Variants in MAF observed in about 807,000 individuals in gnomAD.
MAF encodes MAF bZIP transcription factor.
MAF carries 10 observed loss-of-function variants against 22.0 expected under a neutral mutation model. That is an observed-to-expected ratio of 0.45 (90% CI 0.28 to 0.77). The LOEUF (loss-of-function observed/expected upper bound fraction) is 0.77. Among genes scored for constraint, MAF ranks in the 30% least tolerant of loss-of-function variants. MAF has a pLI of 0.12. For synonymous variants in MAF, 337 were observed against 255.8 expected (o/e 1.32, Z -3.03); for missense variants, 544 against 548.4 (o/e 0.99, Z 0.08).
downstream of MAF, among the ~76,000 whole-genome samples, chr16:79,589,245 G>A (rs1321372210): frequency 6.6e-6 from 1 of 152,166 alleles, no homozygotes; most frequent in Non-Finnish European, 1.5e-5. Context: ...GTTCCTGGAT[G>A]CCTGAGATGT....
the MAF span, among the ~76,000 whole-genome samples, chr16:79,538,824 T>A: frequency 7.3e-6 from 1 of 137,196 alleles, no homozygotes; most frequent in Non-Finnish European, 1.5e-5. Flanking sequence ...TGACTCTGTC[T>A]CGAAAGAAAG....
At chr16:79,466,843 C>T in the MAF span, among the ~76,000 whole-genome samples, 6 of 152,198 alleles carry the variant, frequency 3.9e-5, no homozygotes, top group African/African-American at 1.2e-4. Context: ...CCCCTGCCCG[C>T]GACACCAAAG....
the MAF span, among the ~76,000 whole-genome samples, chr16:79,410,508 C>G: frequency 6.6e-6 from 1 of 152,162 alleles, no homozygotes; most frequent in Non-Finnish European, 1.5e-5. Context: ...AATTAGTGTA[C>G]CTTCAGTATG....
At position 79,600,060 on chromosome 16, in the gene MAF, G is replaced by T. The variant is rs1003334318; in HGVS notation, c.-158C>A. The T allele has an allele frequency of 2.7e-5, 26 of 948,334 alleles. No homozygotes were observed. The highest frequency in any genetic ancestry group is 3.3e-4 in the Middle Eastern group (1 of 3,056). 58.7% of individuals were successfully genotyped at this position (948,334 alleles called of 1,614,324 possible). A position where few individuals can be genotyped will look rare whatever the true frequency, so the allele number is the denominator to read the frequency against. On this transcript the variant is annotated 5_prime_UTR_variant, in exon 1 of 2. Transcript: ENST00000326043. Reference sequence around the variant, plus strand: ...TGGCTGGCCCGAAACCTCCGAGCGCGCTCACACACACACCCCCCCGCCCTG... The same window carrying T: ...TGGCTGGCCCGAAACCTCCGAGCGCTCTCACACACACACCCCCCCGCCCTG...
At chr16:79,428,465 T>C in the MAF span, among the ~76,000 whole-genome samples, 1 of 152,106 alleles carries the variant, frequency 6.6e-6, no homozygotes. Context: ...CAAACTGGCA[T>C]TTTCCTTTCA....
chr16:79,577,305 C>T, the MAF span, among the ~76,000 whole-genome samples: 2 of 152,086 alleles, frequency 1.3e-5, no homozygotes, highest in Non-Finnish European at 2.9e-5. Context: ...ACTACATGTG[C>T]TGAGGTGAAA....
chr16:79,454,011 C>T, the MAF span, among the ~76,000 whole-genome samples: 1 of 151,914 alleles, frequency 6.6e-6, no homozygotes, highest in Non-Finnish European at 1.5e-5. Context: ...TTAGGATAGC[C>T]AAAATGTATT....
At chr16:79,205,195 G>C in the MAF span, 1 of 152,236 alleles carries the variant, frequency 6.6e-6, no homozygotes, top group East Asian at 1.9e-4. Context: ...GGTGTCCCTT[G>C]TAATTTGTGG....
At chr16:79,392,419 A>G in the MAF span, among the ~76,000 whole-genome samples, 1 of 148,956 alleles carries the variant, frequency 6.7e-6, no homozygotes, top group African/African-American at 2.5e-5. Flanking sequence ...GAGAAGAAAA[A>G]GGAGAGGAGA....
chr16:79,499,671 C>A, the MAF span, among the ~76,000 whole-genome samples: 1 of 152,196 alleles, frequency 6.6e-6, no homozygotes, highest in Non-Finnish European at 1.5e-5. Context: ...CATCCACGAA[C>A]TAGGAAGTGG....
chr16:79,209,281 T>A, the MAF span, among the ~76,000 whole-genome samples: 192 of 152,336 alleles, frequency 1.3e-3, 1 homozygote, highest in African/African-American at 4.5e-3. Flanking sequence ...GCATTCTGAA[T>A]CAATGGGACT....
the MAF span, among the ~76,000 whole-genome samples, chr16:79,524,668 T>C: frequency 6.6e-6 from 1 of 152,232 alleles, no homozygotes; most frequent in Non-Finnish European, 1.5e-5. Flanking sequence ...CGACAGCTAC[T>C]TCTTTGGAGA....
At chr16:79,472,945 G>A in the MAF span, among the ~76,000 whole-genome samples, 3,175 of 152,130 alleles carry the variant, frequency 0.021, 113 homozygotes, top group African/African-American at 0.073. Context: ...GGTACCATAT[G>A]GCGCACCAGC....
chr16:79,377,881 G>A, the MAF span, among the ~76,000 whole-genome samples: 53 of 152,180 alleles, frequency 3.5e-4, no homozygotes, highest in Non-Finnish European at 5.7e-4. Flanking sequence ...TGTTCCATTG[G>A]TCTATATCTC....
the MAF span, among the ~76,000 whole-genome samples, chr16:79,492,767 C>A: frequency 4.6e-5 from 7 of 152,130 alleles, no homozygotes; most frequent in African/African-American, 1.7e-4. Context: ...AGAGGCCAGA[C>A]CCAAAAGGGA....
chr16:79,387,679 A>C, the MAF span, among the ~76,000 whole-genome samples: 1 of 152,208 alleles, frequency 6.6e-6, no homozygotes, highest in Non-Finnish European at 1.5e-5. Context: ...AGCATGTTCA[A>C]ACAGTATAAA....
the MAF span, among the ~76,000 whole-genome samples, chr16:79,407,491 G>T: frequency 2.0e-4 from 31 of 152,208 alleles, 1 homozygote; most frequent in South Asian, 6.4e-3. Flanking sequence ...CCCTCTGCAT[G>T]TGTGTTTTGT....
chr16:79,484,507 A>G, the MAF span, among the ~76,000 whole-genome samples: 4 of 152,196 alleles, frequency 2.6e-5, no homozygotes, highest in Non-Finnish European at 4.4e-5. Flanking sequence ...AGCCAGGTTC[A>G]CTTTTCATAG....
chr16:79,502,191 A>G, the MAF span, among the ~76,000 whole-genome samples: 1 of 152,146 alleles, frequency 6.6e-6, no homozygotes, highest in Non-Finnish European at 1.5e-5. Flanking sequence ...TGGAAGGAGC[A>G]TGGCTCCTGA....
Sources: allele counts gnomAD v4.1 joint callset (sites outside exome capture counted in the v4.1 genomes callset), GRCh38; gene constraint gnomAD v4.1.1; transcripts MANE v1.5; gene names NCBI Gene and HGNC (gene_info 2026-07-23, HGNC 2026-07-21).